The following SEMA6D variants were observed in gnomAD, a reference collection of about 807,000 sequenced individuals.
The protein encoded by SEMA6D is semaphorin-6D.
SEMA6D carries 35 observed loss-of-function variants against 106.6 expected under a neutral mutation model. The ratio of observed to expected loss-of-function variants is 0.33; its 90% confidence interval spans 0.25 to 0.44. The LOEUF (loss-of-function observed/expected upper bound fraction) is 0.44, where lower values mean the gene tolerates loss of function less well. SEMA6D is among the 20% of genes least tolerant of loss of function. The pLI, the probability that SEMA6D is intolerant of heterozygous loss-of-function variation, is 1.00. For missense variants in SEMA6D, 1,185 were observed against 1,345.9 expected (o/e 0.88, Z 1.87); for synonymous variants, 499 against 487.7 (o/e 1.02, Z -0.31).
intron 1 of SEMA6D, among the ~76,000 whole-genome samples, chr15:47,740,153 A>G (rs2080715471): frequency 6.6e-6 from 1 of 152,174 alleles, no homozygotes. Context: ...TGAGGGTTTC[A>G]TGCATTGCGA....
intron 3 of SEMA6D, among the ~76,000 whole-genome samples, chr15:47,486,840 T>A (rs2043310883): frequency 6.6e-6 from 1 of 152,198 alleles, no homozygotes; most frequent in Non-Finnish European, 1.5e-5. Flanking sequence ...TCTTCATAAC[T>A]TTCCCCCATA....
intron 4 of SEMA6D, among the ~76,000 whole-genome samples, chr15:47,642,481 G>C (rs2077506665): frequency 6.6e-6 from 1 of 152,138 alleles, no homozygotes; most frequent in African/African-American, 2.4e-5. Flanking sequence ...TACACTGTGA[G>C]TACAGCAGAG....
At chr15:47,650,244 G>A (rs2077660750) in intron 4 of SEMA6D, among the ~76,000 whole-genome samples, 2 of 152,130 alleles carry the variant, frequency 1.3e-5, no homozygotes, top group Non-Finnish European at 2.9e-5. Context: ...GTCCATAAAA[G>A]CTGGACTGGA....
chr15:47,749,498 C>A (rs576835022), intron 1 of SEMA6D, among the ~76,000 whole-genome samples: 1 of 152,114 alleles, frequency 6.6e-6, no homozygotes, highest in East Asian at 1.9e-4. Context: ...GGCAGGAAAA[C>A]AAGAAAATTT....
chr15:47,364,447 G>A (rs1231945278), intron 1 of SEMA6D, among the ~76,000 whole-genome samples: 1 of 152,170 alleles, frequency 6.6e-6, no homozygotes, highest in East Asian at 1.9e-4. Context: ...AGTTCAAATA[G>A]GCTAGCTCCA....
At chr15:47,657,552 C>T (rs2077820235) in intron 4 of SEMA6D, among the ~76,000 whole-genome samples, 1 of 151,574 alleles carries the variant, frequency 6.6e-6, no homozygotes, top group African/African-American at 2.4e-5. Context: ...ATGTATTTTA[C>T]AATTTAATTC....
intron 2 of SEMA6D, among the ~76,000 whole-genome samples, chr15:47,431,136 T>TTTTTGAGGA (rs1567074682): frequency 6.6e-6 from 1 of 152,200 alleles, no homozygotes; most frequent in East Asian, 1.9e-4. Flanking sequence ...ATGAAAACTA[T>TTTTTGAGGA]TGGGCTCATG....
At chr15:47,326,484 A>G (rs1447726528) in intron 1 of SEMA6D, among the ~76,000 whole-genome samples, 5 of 152,226 alleles carry the variant, frequency 3.3e-5, no homozygotes, top group Admixed American at 3.3e-4. Flanking sequence ...AACAGGTCAA[A>G]TGTGAAGCAC....
intron 1 of SEMA6D, among the ~76,000 whole-genome samples, chr15:47,191,996 C>T (rs147974830): frequency 4.6e-5 from 7 of 152,264 alleles, no homozygotes; most frequent in Non-Finnish European, 1.0e-4. Context: ...CTGAATCCAA[C>T]GTTCTTATAC....
intron 2 of SEMA6D, among the ~76,000 whole-genome samples, chr15:47,433,047 G>A (rs1360877621): frequency 1.3e-5 from 2 of 151,980 alleles, no homozygotes; most frequent in Non-Finnish European, 2.9e-5. Flanking sequence ...ATTTCCTGAG[G>A]CTTTGTGGCA....
intron 4 of SEMA6D, among the ~76,000 whole-genome samples, chr15:47,694,757 G>T (rs929625116): frequency 6.6e-6 from 1 of 152,078 alleles, no homozygotes. Flanking sequence ...ATTTTTTGCA[G>T]CAGGGCACGG....
intron 2 of SEMA6D, among the ~76,000 whole-genome samples, chr15:47,422,106 T>TAG (rs902119128): frequency 6.6e-6 from 1 of 151,874 alleles, no homozygotes; most frequent in African/African-American, 2.4e-5. Context: ...TTTTTTTCTT[T>TAG]AGAGGATGAA....
intron 4 of SEMA6D, among the ~76,000 whole-genome samples, chr15:47,707,523 C>T (rs2078935841): frequency 6.6e-6 from 1 of 152,158 alleles, no homozygotes; most frequent in African/African-American, 2.4e-5. Flanking sequence ...TCTGCATTTC[C>T]TATGTTTGCA....
intron 1 of SEMA6D, among the ~76,000 whole-genome samples, chr15:47,248,753 A>G (rs897085996): frequency 6.6e-6 from 1 of 152,176 alleles, no homozygotes; most frequent in Admixed American, 6.5e-5. Context: ...TGACTCCCTA[A>G]TAGTTAGAGT....
chr15:47,688,271 C>G (rs1343876202), intron 4 of SEMA6D, among the ~76,000 whole-genome samples: 1 of 152,016 alleles, frequency 6.6e-6, no homozygotes, highest in African/African-American at 2.4e-5. Context: ...TCAGGTCATG[C>G]TGAGCATCAT....
intron 1 of SEMA6D, among the ~76,000 whole-genome samples, chr15:47,260,183 A>G (rs974259286): frequency 6.6e-6 from 1 of 152,122 alleles, no homozygotes; most frequent in African/African-American, 2.4e-5. Flanking sequence ...CTTCTGATTC[A>G]TCTCATCTTG....
chr15:47,331,621 A>G (rs2037345745), intron 1 of SEMA6D, among the ~76,000 whole-genome samples: 1 of 150,088 alleles, frequency 6.7e-6, no homozygotes, highest in Non-Finnish European at 1.5e-5. Context: ...TTATTTAAAG[A>G]AATGCAACAA....
chr15:47,670,967 G>T (rs1258829033), intron 4 of SEMA6D, among the ~76,000 whole-genome samples: 1 of 152,166 alleles, frequency 6.6e-6, no homozygotes, highest in Non-Finnish European at 1.5e-5. Flanking sequence ...ATATTGTTGA[G>T]ATGATAGCTT....
At chr15:47,450,193 A>G (rs1052719702) in intron 2 of SEMA6D, among the ~76,000 whole-genome samples, 2 of 152,186 alleles carry the variant, frequency 1.3e-5, no homozygotes, top group African/African-American at 4.8e-5. Flanking sequence ...CTCTATTAAA[A>G]TAAATCAAAA....
Sources: allele counts gnomAD v4.1 joint callset (sites outside exome capture counted in the v4.1 genomes callset), GRCh38; gene constraint gnomAD v4.1.1; transcripts MANE v1.5; gene names NCBI Gene and HGNC (gene_info 2026-07-23, HGNC 2026-07-21).